Variants in CEP43 observed in about 807,000 individuals in gnomAD.
The protein encoded by CEP43 is FGFR1 oncogene partner.
A neutral mutation model predicts 52.6 loss-of-function variants in CEP43; 36 were observed. That is an observed-to-expected ratio of 0.68 (90% CI 0.52 to 0.90). The LOEUF is 0.90. Ranked by LOEUF, CEP43 falls within the 40% of genes least tolerant of loss-of-function variation. The pLI is 0.00. For synonymous variants in CEP43, 192 were observed against 172.4 expected, an observed-to-expected ratio of 1.11 and a Z score of -0.89; for missense variants, 506 against 472.8, an observed-to-expected ratio of 1.07 and a Z score of -0.65.
chr6:167,009,371 A>G (rs1322660381), intron 5 of CEP43, among the ~76,000 whole-genome samples: 5 of 151,812 alleles, frequency 3.3e-5, no homozygotes, highest in African/African-American at 9.7e-5. Context: ...TTAGCTGGGC[A>G]TGGTGGTGTG....
chr6:167,014,467 A>G (rs1337712835), intron 7 of CEP43, among the ~76,000 whole-genome samples: 2 of 152,238 alleles, frequency 1.3e-5, no homozygotes, highest in African/African-American at 4.8e-5. Flanking sequence ...TTTTAGAAAC[A>G]TTATCAGTAC....
At position 167,022,546 on chromosome 6, in the gene CEP43, C is replaced by T. The variant is rs371590516; in HGVS notation, c.717C>T (p.Asp239=). 14 of 1,614,006 alleles carry T rather than the reference C, an allele frequency of 8.7e-6. No homozygotes were observed. The East Asian group carries it at 1.3e-4, about 15-fold the overall frequency. The change falls in exon 8 of 13, where the codon GAC becomes GAT. Residue 239 remains aspartate (D), a synonymous_variant. Coordinates refer to ENST00000366847, the MANE Select transcript of CEP43 (RefSeq NM_007045.4). ...FLSNRTLDGK[D]KAGLCPDEDD... Reference sequence around the variant, plus strand: ...GCAACAGAACTTTAGATGGCAAAGACAAAGCTGGCCTTTGTCCAGATGAAG... The same window carrying T: ...GCAACAGAACTTTAGATGGCAAAGATAAAGCTGGCCTTTGTCCAGATGAAG...
At chr6:167,014,399 A>T (rs1034862152) in intron 7 of CEP43, among the ~76,000 whole-genome samples, 7 of 152,218 alleles carry the variant, frequency 4.6e-5, no homozygotes, top group Admixed American at 3.9e-4. Flanking sequence ...TCTCCTAAAG[A>T]TCACAAAAAT....
At position 167,048,945 on chromosome 6, in the gene CEP43, T is replaced by C. The variant is rs1780837490; in HGVS notation, c.*8967T>C. ...TCATGACATTTTAAAAAAGGGATTG[T>C]AAAGACTGATGAAACCCTTAAAACC... On this transcript the variant is annotated 3_prime_UTR_variant, in exon 13 of 13. Coordinates refer to ENST00000366847, the MANE Select transcript of CEP43 (RefSeq NM_007045.4). 6.6e-6 allele frequency: 1 copy of C among 152,228 alleles called. No individual in the cohort carries two copies. Among genetic ancestry groups the C allele is most frequent in the South Asian group, 2.1e-4 (1 of 4,836 alleles). 9.4% of individuals were successfully genotyped at this position (152,228 alleles called of 1,614,324 possible).
At position 167,040,028 on chromosome 6, in the gene CEP43, T is replaced by TC; in HGVS notation, c.*52dup. 1 of 1,517,264 alleles carries TC rather than the reference T, an allele frequency of 6.6e-7. No homozygotes were observed. The highest frequency in any genetic ancestry group is 8.8e-7 in the Non-Finnish European group (1 of 1,132,060). 94.0% of individuals were successfully genotyped at this position (1,517,264 alleles called of 1,614,324 possible). A position where few individuals can be genotyped will look rare whatever the true frequency, so the allele number is the denominator to read the frequency against. ...TAACAAGGACAGAGGACTGACCGGT[T>TC]CCATTTTTTTTTTTTCCAGACAATC... On this transcript the variant is annotated 3_prime_UTR_variant, in exon 13 of 13. Transcript: ENST00000366847.
intron 2 of CEP43, among the ~76,000 whole-genome samples, chr6:167,002,582 C>T (rs1293744014): frequency 1.3e-5 from 2 of 152,162 alleles, no homozygotes; most frequent in African/African-American, 2.4e-5. Context: ...ATTTTGCATT[C>T]CCATCAGCAG....
chr6:167,025,867 T>G (rs1018828292), intron 9 of CEP43, among the ~76,000 whole-genome samples: 1 of 152,128 alleles, frequency 6.6e-6, no homozygotes, highest in Non-Finnish European at 1.5e-5. Context: ...AAAAAACCAG[T>G]GAGGATGTCA....
chr6:167,003,356 T>C (rs776840488), intron 3 of CEP43, 109 bp downstream of exon 3: 44 of 584,188 alleles, frequency 7.5e-5, no homozygotes, highest in Middle Eastern at 3.0e-4. Flanking sequence ...TCAATTGTTA[T>C]AGGTCCTCAT....
intron 9 of CEP43, 127 bp from the exon 10 acceptor site, chr6:167,026,420 C>T: frequency 4.5e-6 from 3 of 663,698 alleles, no homozygotes; most frequent in Admixed American, 2.6e-5. Context: ...TTATTTTTTC[C>T]TTAGTTTTAG....
At position 167,048,743 on chromosome 6, in the gene CEP43, A is replaced by G. The variant is rs993832550; in HGVS notation, c.*8765A>G. ...CACAAAATATTGATGTAAATAACAT[A>G]AAACTGTAATATGCCATTATGATGA... On this transcript the variant is annotated 3_prime_UTR_variant, in exon 13 of 13. Transcript: ENST00000366847. 1 of 152,242 alleles carries G rather than the reference A, an allele frequency of 6.6e-6. No individual in the cohort carries two copies. The highest frequency in any genetic ancestry group is 2.4e-5 in the African/African-American group (1 of 41,464). 9.4% of individuals were successfully genotyped at this position (152,242 alleles called of 1,614,324 possible). A position where few individuals can be genotyped will look rare whatever the true frequency, so the allele number is the denominator to read the frequency against.
intron 4 of CEP43, 74 bp from the exon 5 acceptor site, chr6:167,004,190 A>T (rs939413896): frequency 6.9e-7 from 1 of 1,457,578 alleles, no homozygotes; most frequent in African/African-American, 1.4e-5. Flanking sequence ...TTAAACTCTG[A>T]AAATATCTTC....
intron 12 of CEP43, among the ~76,000 whole-genome samples, chr6:167,039,624 TG>T (rs776221958): frequency 4.6e-5 from 7 of 152,222 alleles, no homozygotes; most frequent in Non-Finnish European, 7.3e-5. Context: ...TACCCAGTAG[TG>T]GGATTGGTGG....
At chr6:167,016,094 T>C (rs1480892883) in intron 7 of CEP43, among the ~76,000 whole-genome samples, 1 of 152,090 alleles carries the variant, frequency 6.6e-6, no homozygotes, top group Non-Finnish European at 1.5e-5. Context: ...CAGAAAATTA[T>C]AACAGACTTT....
intron 9 of CEP43, among the ~76,000 whole-genome samples, 163 bp from the exon 10 acceptor site, chr6:167,026,384 T>TGC (rs1780356266): frequency 6.6e-6 from 1 of 152,214 alleles, no homozygotes; most frequent in Non-Finnish European, 1.5e-5. Flanking sequence ...TTGTGATGCA[T>TGC]AGCTTAAGCG....
In CEP43 at chr6:167,041,568, A is replaced by G. The variant is rs553243365; in HGVS notation, c.*1590A>G. On this transcript the variant is annotated 3_prime_UTR_variant, in exon 13 of 13. Coordinates refer to ENST00000366847, the MANE Select transcript of CEP43 (RefSeq NM_007045.4). ...CTGTAAACAGTCACTTTCTAAAAGC[A>G]CTATAGTTCTGGTCCCCTGGAATCT... The G allele has an allele frequency of 9.3e-5, 98 of 1,049,612 alleles. 1 individual carries two copies. The East Asian group carries it at 5.2e-3, about 56-fold the overall frequency. The allele number at this position is 1,049,612 out of a possible 1,614,324, so 65.0% of individuals were successfully genotyped here. A position where few individuals can be genotyped will look rare whatever the true frequency, so the allele number is the denominator to read the frequency against.
At chr6:167,000,012 A>C (rs1373320378) in intron 1 of CEP43, 48 bp from the exon 2 acceptor site, 4 of 1,516,236 alleles carry the variant, frequency 2.6e-6, no homozygotes, top group East Asian at 2.3e-5. Context: ...GCTTGTTGTG[A>C]AAATTGTCTT....
Position 167,022,580 on chromosome 6 carries a change from GA to G in CEP43, c.753del (p.Gly252GlufsTer18). 6.2e-7 allele frequency: 1 copy of G among 1,614,154 alleles called. No individual in the cohort carries two copies. Among genetic ancestry groups the G allele is most frequent in the Non-Finnish European group, 8.5e-7 (1 of 1,180,018 alleles). ...AGLCPDEDDM[E>X]GDSFFDDPIP... The stretch of plus-strand genomic sequence containing the variant: ...CCTTTGTCCAGATGAAGATGATATG[GA>G]AGGAGATTCTTTCTTTGATGATCCC... On this transcript the variant is annotated frameshift_variant, in exon 8 of 13. Transcript: ENST00000366847. LOFTEE classifies it high-confidence loss of function.
chr6:167,021,085 A>G (rs1780220505), intron 7 of CEP43, among the ~76,000 whole-genome samples: 1 of 149,178 alleles, frequency 6.7e-6, no homozygotes, highest in South Asian at 2.1e-4. Context: ...AAAAAAAAAA[A>G]AGAAAAAAAA....
At chr6:167,017,216 T>C (rs138823698) in intron 7 of CEP43, among the ~76,000 whole-genome samples, 3,077 of 152,032 alleles carry the variant, frequency 0.02, 50 homozygotes, top group East Asian at 0.092. Flanking sequence ...AGGATGGTCT[T>C]GATCTCCTGA....
Sources: gnomAD v4.1 joint callset for allele counts (sites outside exome capture counted in the v4.1 genomes callset) on GRCh38, gnomAD v4.1.1 for gene constraint, MANE v1.5 for transcripts, NCBI Gene and HGNC (gene_info 2026-07-23, HGNC 2026-07-21) for gene names.